AKAP13: variants seen among roughly 807,000 people sequenced by gnomAD.
The protein encoded by AKAP13 is A-kinase anchoring protein 13.
Under a neutral mutation model 264.5 loss-of-function variants are expected in AKAP13, and 80 were observed. The observed-to-expected ratio is 0.30, with a 90% CI of 0.25 to 0.36. The LOEUF (loss-of-function observed/expected upper bound fraction) is 0.36. Among genes scored for constraint, AKAP13 ranks in the 10% least tolerant of loss-of-function variants. The probability of loss-of-function intolerance (pLI) is 1.00; values close to 1 mark genes in which losing one functional copy is unlikely to be tolerated. For synonymous variants in AKAP13, 1,380 were observed against 1,250.2 expected (o/e 1.10, Z -2.19); for missense variants, 3,712 against 3,435.2 (o/e 1.08, Z -2.01).
chr15:85,727,710 C>CTTG lies in AKAP13; in HGVS notation c.7087+247_7087+248insTTG. 6.6e-6 allele frequency among the ~76,000 whole-genome samples: 1 copy of CTTG among 152,312 alleles called. No homozygotes were observed. Among genetic ancestry groups the CTTG allele is most frequent in the South Asian group, 2.1e-4 (1 of 4,830 alleles). ...CAAGAGAATATTGATTCTCTTGACT[C>CTTG]AGGATCCGTGTTCTCAAACCTCATG... is the stretch of plus-strand genomic sequence containing the variant. On this transcript the variant is annotated intron_variant, in intron 29 of 36. Coordinates refer to ENST00000394518, the MANE Select transcript of AKAP13 (RefSeq NM_007200.5). This position sits in a 1 kb window ranked among gnomAD's most constrained non-coding sequence, Gnocchi z 5.3.
At chr15:85,469,733 C>T (rs932384351) in intron 1 of AKAP13, among the ~76,000 whole-genome samples, 5 of 152,170 alleles carry the variant, frequency 3.3e-5, no homozygotes, top group African/African-American at 1.2e-4. Flanking sequence ...AATACTAATG[C>T]ATTTATTTTA....
intron 1 of AKAP13, among the ~76,000 whole-genome samples, chr15:85,391,620 G>A (rs1317959152): frequency 6.6e-6 from 1 of 151,316 alleles, no homozygotes. Context: ...CAGCAGCTGG[G>A]ACCACCGGTG....
At chr15:85,570,858 A>G (rs745307518) in intron 5 of AKAP13, among the ~76,000 whole-genome samples, 4 of 152,190 alleles carry the variant, frequency 2.6e-5, no homozygotes, top group Non-Finnish European at 4.4e-5. Flanking sequence ...TGATTTACTG[A>G]AGCAGGGACC....
At chr15:85,706,231 C>G in intron 17 of AKAP13, among the ~76,000 whole-genome samples, 1 of 152,072 alleles carries the variant, frequency 6.6e-6, no homozygotes, top group East Asian at 1.9e-4. Flanking sequence ...AGCATGCCAG[C>G]TGCAAGTCCT....
At chr15:85,655,909 G>A (rs889161081) in intron 11 of AKAP13, 122 bp downstream of exon 11, 4 of 1,404,962 alleles carry the variant, frequency 2.8e-6, no homozygotes, top group Non-Finnish European at 3.7e-6. Context: ...AAGAATATAG[G>A]CTTTGGAATC....
At chr15:85,678,013 G>A (rs565822964) in intron 14 of AKAP13, among the ~76,000 whole-genome samples, 7 of 151,924 alleles carry the variant, frequency 4.6e-5, no homozygotes, top group African/African-American at 1.7e-4. Context: ...TACTTCTTTG[G>A]ATAAGCTGTA....
rs1845339135 is a variant in AKAP13 at position 85,746,744 on chromosome 15, G to A, written c.*2067G>A. The A allele has an allele frequency of 6.6e-6, 1 of 152,170 alleles. No individual in the cohort carries two copies. Among genetic ancestry groups the A allele is most frequent in the Non-Finnish European group, 1.5e-5 (1 of 68,052 alleles). 9.4% of individuals were successfully genotyped at this position (152,170 alleles called of 1,614,324 possible). On this transcript the variant is annotated 3_prime_UTR_variant, in exon 37 of 37. Coordinates refer to ENST00000394518, the MANE Select transcript of AKAP13 (RefSeq NM_007200.5). ...GTGACTTTCCTGAGATCTACCCGGG[G>A]CTTGGCTGTCTGTTCTGGGCACTGG...
chr15:85,579,913 G>A lies in AKAP13; in HGVS notation c.1845G>A (p.Met615Ile), dbSNP rs746547296. 6.2e-7 allele frequency: 1 copy of A among 1,614,212 alleles called. No homozygotes were observed. Among genetic ancestry groups the A allele is most frequent in the Non-Finnish European group, 8.5e-7 (1 of 1,180,042 alleles). ...TLLAAGIGEA[M>I]SPSDLALLGL... ...TAGCAGCAGGCATAGGTGAGGCAAT[G>A]TCACCCTCAGATTTAGCCCTTCTTG... Residue 615 changes from methionine to isoleucine, a missense_variant, in exon 7 of 37, where the codon ATG becomes ATA. By Grantham distance (10) the Met-to-Ile change is conservative (BLOSUM62 1). This residue lies in a region of AKAP13 where 2,759 missense variants were observed against 2,411.7 expected (regional missense o/e 1.14). Transcript: ENST00000394518.
Position 85,580,999 on chromosome 15 carries a change from A to G in AKAP13, c.2931A>G (p.Ala977=), listed in dbSNP as rs756780436. ...CAGCTGACTGTGCCAAGGACAAAGC[A>G]CTTCAGCTAAGTAATTCACCGGGTG... ...SISADCAKDK[A]LQLSNSPGAS... is the part of the protein sequence containing the mutation. The change falls in exon 7 of 37, where the codon GCA becomes GCG. Residue 977 remains alanine (A), a synonymous_variant. Coordinates refer to ENST00000394518, the MANE Select transcript of AKAP13 (RefSeq NM_007200.5). 4 of 1,613,800 alleles carry G rather than the reference A, an allele frequency of 2.5e-6. No individual in the cohort carries two copies. The highest frequency in any genetic ancestry group is 2.2e-5 in the South Asian group (2 of 91,086).
chr15:85,703,805 T>G (rs1339997698), intron 17 of AKAP13, among the ~76,000 whole-genome samples: 1 of 149,484 alleles, frequency 6.7e-6, no homozygotes, highest in Non-Finnish European at 1.5e-5. Flanking sequence ...ATCGTACCAC[T>G]GCACTCCAGC....
At chr15:85,523,086 A>G in intron 3 of AKAP13, among the ~76,000 whole-genome samples, 1 of 152,016 alleles carries the variant, frequency 6.6e-6, no homozygotes, top group Non-Finnish European at 1.5e-5. Context: ...GGCCAAATGC[A>G]GAGTAAGGCA....
chr15:85,600,046 G>T (rs1338522142), intron 8 of AKAP13, among the ~76,000 whole-genome samples: 2 of 151,998 alleles, frequency 1.3e-5, no homozygotes, highest in Admixed American at 6.6e-5. Flanking sequence ...TTTTATTAAG[G>T]CTGGTTTGTG....
At chr15:85,552,482 C>T (rs771581931) in intron 5 of AKAP13, among the ~76,000 whole-genome samples, 7 of 152,044 alleles carry the variant, frequency 4.6e-5, no homozygotes, top group East Asian at 3.8e-4. Context: ...ATAAATAAGG[C>T]GCAGTATTCT....
At position 85,710,591 on chromosome 15, in the gene AKAP13, A is replaced by G. The variant is rs746692891; in HGVS notation, c.5545A>G (p.Ser1849Gly). The G allele has an allele frequency of 6.2e-7, 1 of 1,614,000 alleles. No homozygotes were observed. The highest frequency in any genetic ancestry group is 1.1e-5 in the South Asian group (1 of 91,068). ...AKVKMKQPKG[S>G]LQAHDTSSLP... Reference sequence around the variant, plus strand: ...TCTTTCTCTTTAGCAGCCCAAAGGGAGCCTTCAGGCACATGACACATCATC... The same window carrying G: ...TCTTTCTCTTTAGCAGCCCAAAGGGGGCCTTCAGGCACATGACACATCATC... Residue 1849 changes from serine to glycine, a missense_variant, in exon 19 of 37, where the codon AGC becomes GGC. Ser to Gly is a moderately conservative substitution (Grantham distance 56). This residue lies in a region of AKAP13 where 2,759 missense variants were observed against 2,411.7 expected (regional missense o/e 1.14). Transcript: ENST00000394518.
At chr15:85,620,125 T>C (rs1399225993) in intron 8 of AKAP13, 1 of 1,536,040 alleles carries the variant, frequency 6.5e-7, no homozygotes, top group Admixed American at 2.0e-5. Context: ...CTACAGCCTC[T>C]GTGACATCTC....
chr15:85,405,818 A>C (rs760951222), intron 1 of AKAP13, among the ~76,000 whole-genome samples: 3 of 152,140 alleles, frequency 2.0e-5, no homozygotes, highest in Non-Finnish European at 4.4e-5. Flanking sequence ...GTTGCATGTC[A>C]TACTACTGGT....
At chr15:85,667,527 T>C (rs1250720823) in intron 13 of AKAP13, among the ~76,000 whole-genome samples, 1 of 152,068 alleles carries the variant, frequency 6.6e-6, no homozygotes, top group Non-Finnish European at 1.5e-5. Flanking sequence ...AGTGAAAAAA[T>C]CTTTAAAATA....
At chr15:85,552,665 T>A (rs1175659058) in intron 5 of AKAP13, among the ~76,000 whole-genome samples, 1 of 144,856 alleles carries the variant, frequency 6.9e-6, no homozygotes, top group Non-Finnish European at 1.5e-5. Flanking sequence ...TCTCGTTCTG[T>A]CACCCAGGCT....
chr15:85,381,261 T>G (rs1217788420), intron 1 of AKAP13, among the ~76,000 whole-genome samples: 2 of 151,962 alleles, frequency 1.3e-5, no homozygotes, highest in Non-Finnish European at 2.9e-5. Context: ...CGTGAACAAG[T>G]GCTGCGGGCG....
Sources: gnomAD v4.1 joint callset for allele counts (sites outside exome capture counted in the v4.1 genomes callset) on GRCh38, gnomAD v4.1.1 for gene constraint, gnomAD v4.1.1 regional missense constraint, Gnocchi (gnomAD v3.1) non-coding constraint, MANE v1.5 for transcripts, NCBI Gene and HGNC (gene_info 2026-07-23, HGNC 2026-07-21) for gene names.